Variants in PTPRC observed in about 807,000 individuals in gnomAD.
The protein encoded by PTPRC is receptor-type tyrosine-protein phosphatase C.
In PTPRC, 44 loss-of-function variants were observed where a neutral mutation model predicts 155.9. The ratio of observed to expected loss-of-function variants is 0.28; its 90% confidence interval spans 0.22 to 0.36. The LOEUF (loss-of-function observed/expected upper bound fraction) is 0.36. PTPRC is among the 10% of genes least tolerant of loss of function. The pLI is 1.00. For missense variants in PTPRC, 1,401 were observed against 1,564.6 expected (o/e 0.90, Z 1.76); for synonymous variants, 525 against 533.1 (o/e 0.98, Z 0.21).
chr1:198,755,907 A>G lies in PTPRC; in HGVS notation c.3647A>G (p.Glu1216Gly), dbSNP rs1445599939. 1 of 1,608,672 alleles carries G rather than the reference A, an allele frequency of 6.2e-7. No homozygotes were observed. ...TTTCCCACTTAATTCCTTTACTAGGAGCAATATCAATTCCTATATGACGTC... is the reference window on the plus strand; with the variant it reads ...TTTCCCACTTAATTCCTTTACTAGGGGCAATATCAATTCCTATATGACGTC... Reference protein sequence around the residue: ...KARPGMVSTFEQYQFLYDVIA... With the variant: ...KARPGMVSTFGQYQFLYDVIA... The change falls in exon 33 of 33, where the codon GAG (glutamate) becomes GGG (glycine). Residue 1216 changes from glutamate (E) to glycine (G), a missense_variant and splice_region_variant. Transcript: ENST00000442510.
intron 25 of PTPRC, among the ~76,000 whole-genome samples, chr1:198,743,067 C>CA (rs10628640): frequency 0.19 from 14,114 of 75,862 alleles, 1,345 homozygotes; most frequent in African/African-American, 0.21. Context: ...GTCAAAATAG[C>CA]AAAAAAAAAA....
intron 31 of PTPRC, among the ~76,000 whole-genome samples, chr1:198,753,163 A>T (rs1429155869): frequency 2.0e-5 from 3 of 152,020 alleles, no homozygotes; most frequent in Non-Finnish European, 4.4e-5. Context: ...TGTCACAAAG[A>T]CACCTAATAT....
chr1:198,688,302 G>A (rs1158156221), intron 2 of PTPRC, among the ~76,000 whole-genome samples: 1 of 151,980 alleles, frequency 6.6e-6, no homozygotes. Flanking sequence ...AAAGGAAAAT[G>A]TTGGCTCTTT....
chr1:198,706,748 A>G lies in PTPRC; in HGVS notation c.700A>G (p.Asn234Asp), dbSNP rs535416574. Residue 234 changes from asparagine (N) to aspartate (D), a missense_variant, in exon 9 of 33, where the codon AAC (asparagine) becomes GAC (aspartate). By Grantham distance (23) the Asn-to-Asp change is conservative. Around this residue, in one of 3 missense-constraint regions of PTPRC, gnomAD observed 867 missense variants for 970.4 expected, o/e 0.89. Coordinates refer to ENST00000442510, the MANE Select transcript of PTPRC (RefSeq NM_002838.5). ...TTTTCTTTTAGATGAAAAATATGCA[A>G]ACATCACTGTGGATTACTTATATAA... ...SKPTCDEKYA[N>D]ITVDYLYNKE... 94 of 1,609,848 alleles carry G rather than the reference A, an allele frequency of 5.8e-5. No individual in the cohort carries two copies. Among genetic ancestry groups the G allele is most frequent in the Admixed American group, 3.3e-4 (20 of 59,962 alleles).
At position 198,741,774 on chromosome 1, in the gene PTPRC, G is replaced by A. The variant is rs570191299; in HGVS notation, c.2404-95G>A. 94 of 1,241,578 alleles carry A rather than the reference G, an allele frequency of 7.6e-5. 1 individual carries two copies. Among genetic ancestry groups the A allele is most frequent in the African/African-American group, 5.3e-4 (35 of 65,844 alleles). 76.9% of individuals were successfully genotyped at this position (1,241,578 alleles called of 1,614,324 possible). On this transcript the variant is annotated intron_variant, in intron 23 of 32. Coordinates refer to ENST00000442510, the MANE Select transcript of PTPRC (RefSeq NM_002838.5). ...TCTTTTGAGTAGTTTATGTTTACAC[G>A]AGGAGACTTTGTACTGGTACTCCCT...
intron 5 of PTPRC, 85 bp downstream of exon 5, chr1:198,699,789 A>G: frequency 6.4e-7 from 1 of 1,559,538 alleles, no homozygotes; most frequent in Non-Finnish European, 8.8e-7. Context: ...AAATCTAACC[A>G]CTTATTCAAT....
At chr1:198,688,251 A>G (rs938855619) in intron 2 of PTPRC, among the ~76,000 whole-genome samples, 4 of 152,188 alleles carry the variant, frequency 2.6e-5, no homozygotes. Context: ...CACATATTCA[A>G]TTCAAGAGGC....
At chr1:198,715,490 C>T (rs1653541926) in intron 12 of PTPRC, among the ~76,000 whole-genome samples, 1 of 151,942 alleles carries the variant, frequency 6.6e-6, no homozygotes, top group Non-Finnish European at 1.5e-5. Flanking sequence ...GACAGTGAAG[C>T]TTCTTGGTAA....
At chr1:198,734,120 C>G (rs1654516823) in intron 20 of PTPRC, 76 bp from the exon 21 acceptor site, 1 of 1,409,914 alleles carries the variant, frequency 7.1e-7, no homozygotes, top group Non-Finnish European at 1.0e-6. Context: ...AGCAATTCCT[C>G]TAACTCACAA....
intron 2 of PTPRC, among the ~76,000 whole-genome samples, chr1:198,651,153 A>G (rs974402585): frequency 6.6e-6 from 1 of 151,868 alleles, no homozygotes; most frequent in Non-Finnish European, 1.5e-5. Context: ...TACAGAATAT[A>G]TTGAGAGACT....
chr1:198,730,939 A>G (rs1161903993), intron 17 of PTPRC, among the ~76,000 whole-genome samples: 1 of 152,168 alleles, frequency 6.6e-6, no homozygotes, highest in Non-Finnish European at 1.5e-5. Context: ...ATGGAAGAGT[A>G]GGAGAAACAT....
intron 9 of PTPRC, 33 bp from the exon 10 acceptor site, chr1:198,708,100 C>T: frequency 6.4e-7 from 1 of 1,571,276 alleles, no homozygotes; most frequent in Non-Finnish European, 8.7e-7. Context: ...TTATGAAATA[C>T]TAATCAAGTT....
intron 2 of PTPRC, among the ~76,000 whole-genome samples, chr1:198,692,034 A>T (rs570550282): frequency 6.6e-6 from 1 of 152,262 alleles, no homozygotes; most frequent in Admixed American, 6.5e-5. Context: ...TTTGGGAAAA[A>T]AAAGTTTCAA....
At position 198,639,312 on chromosome 1, in the gene PTPRC, C is replaced by T. The variant is rs752797028; in HGVS notation, c.44C>T (p.Ala15Val). 6.2e-7 allele frequency: 1 copy of T among 1,613,098 alleles called. No individual in the cohort carries two copies. The highest frequency in any genetic ancestry group is 8.5e-7 in the Non-Finnish European group (1 of 1,179,246). ...CTTAAACTCTTGGCATTTGGCTTTG[C>T]CTTTCTGGACACAGAAGTATTTGTG... is the stretch of plus-strand genomic sequence containing the variant. ...LWLKLLAFGF[A>V]FLDTEVFVTG... is the part of the protein sequence containing the mutation. The change falls in exon 2 of 33, where the codon GCC becomes GTC. Residue 15 changes from alanine to valine, a missense_variant. Around this residue, in one of 3 missense-constraint regions of PTPRC, gnomAD observed 867 missense variants for 970.4 expected, o/e 0.89. Transcript: ENST00000442510.
Position 198,706,667 on chromosome 1 carries a change from G to T in PTPRC, c.686-67G>T, listed in dbSNP as rs10919558. 2.5e-3 allele frequency: 3,750 copies of T among 1,505,982 alleles called. 86 individuals carry two copies. In the African/African-American group the frequency reaches 0.046, roughly 18 times the overall value. 93.3% of individuals were successfully genotyped at this position (1,505,982 alleles called of 1,614,324 possible). On this transcript the variant is annotated intron_variant, in intron 8 of 32. Transcript: ENST00000442510. Reference sequence around the variant, plus strand: ...ATTTGGTTAGTTGATTTGATATTTTGGCATTTGCATTAATGTAGTTTTATT... The same window carrying T: ...ATTTGGTTAGTTGATTTGATATTTTTGCATTTGCATTAATGTAGTTTTATT...
chr1:198,639,078 T>G lies in PTPRC; in HGVS notation c.-103T>G, dbSNP rs2102159195. The G allele has an allele frequency of 1.7e-6, 1 of 595,016 alleles. No homozygotes were observed. The highest frequency in any genetic ancestry group is 3.0e-6 in the Non-Finnish European group (1 of 332,498). 36.9% of individuals were successfully genotyped at this position (595,016 alleles called of 1,614,324 possible). On this transcript the variant is annotated 5_prime_UTR_variant, in exon 1 of 33. Coordinates refer to ENST00000442510, the MANE Select transcript of PTPRC (RefSeq NM_002838.5). ...AGCAGTTCATGCAGCTAGCAAGTGG[T>G]TTGTTCTTAGGGTAACAGAGGAGGA...
intron 2 of PTPRC, among the ~76,000 whole-genome samples, chr1:198,655,885 G>T (rs1025236378): frequency 3.3e-5 from 5 of 151,972 alleles, no homozygotes; most frequent in Non-Finnish European, 7.4e-5. Flanking sequence ...AAACTTCATT[G>T]AAATAATTTC....
intron 2 of PTPRC, among the ~76,000 whole-genome samples, chr1:198,656,176 C>T (rs1195771230): frequency 6.6e-6 from 1 of 151,882 alleles, no homozygotes; most frequent in Non-Finnish European, 1.5e-5. Context: ...AATTTTTGTC[C>T]TGTAAGAGTT....
chr1:198,696,882 G>A lies in PTPRC; in HGVS notation c.271G>A (p.Asp91Asn), dbSNP rs1251140498. The A allele has an allele frequency of 1.2e-6, 2 of 1,613,946 alleles. No individual in the cohort carries two copies. The highest frequency in any genetic ancestry group is 1.7e-6 in the Non-Finnish European group (2 of 1,179,864). The stretch of plus-strand genomic sequence containing the variant: ...CACCCAAGTATCCCCGGACTCTTTG[G>A]ATAATGCTAGTGCTTTTAATACCAC... ...TSTQVSPDSL[D>N]NASAFNTTGV... The change falls in exon 4 of 33, where the codon GAT becomes AAT. Residue 91 changes from aspartate (D) to asparagine (N), a missense_variant. This residue lies in a region of PTPRC where 867 missense variants were observed against 970.4 expected (regional missense o/e 0.89). Coordinates refer to ENST00000442510, the MANE Select transcript of PTPRC (RefSeq NM_002838.5).
Sources: allele counts gnomAD v4.1 joint callset (sites outside exome capture counted in the v4.1 genomes callset), GRCh38; gene constraint gnomAD v4.1.1; regional missense constraint gnomAD v4.1.1; transcripts MANE v1.5; gene names NCBI Gene and HGNC (gene_info 2026-07-23, HGNC 2026-07-21).